PHF20: variants seen among roughly 807,000 people sequenced by gnomAD.
The protein encoded by PHF20 is glioma-expressed antigen 2.
A neutral mutation model predicts 113.5 loss-of-function variants in PHF20; 23 were observed. That is an observed-to-expected ratio of 0.20 (90% CI 0.15 to 0.29). The LOEUF (loss-of-function observed/expected upper bound fraction) is 0.29, where lower values mean the gene tolerates loss of function less well. Ranked by LOEUF, PHF20 falls within the 10% of genes least tolerant of loss-of-function variation. The probability of loss-of-function intolerance (pLI) is 1.00; values close to 1 mark genes in which losing one functional copy is unlikely to be tolerated. For missense variants in PHF20, 943 were observed against 1,219.6 expected (o/e 0.77, Z 3.38); for synonymous variants, 434 against 457.3 (o/e 0.95, Z 0.65).
chr20:35,805,123 T>TG (rs1392416966), intron 2 of PHF20, among the ~76,000 whole-genome samples: 2 of 151,688 alleles, frequency 1.3e-5, no homozygotes, highest in African/African-American at 2.4e-5. Context: ...AGGCTGGTCT[T>TG]GAACTCCTGG....
intron 1 of PHF20, among the ~76,000 whole-genome samples, chr20:35,798,732 G>A (rs2041718499): frequency 6.6e-6 from 1 of 151,988 alleles, no homozygotes; most frequent in African/African-American, 2.4e-5. Flanking sequence ...GGGATTATAG[G>A]CATGAGCCAC....
At chr20:35,899,732 C>A in intron 10 of PHF20, 84 bp downstream of exon 10, 1 of 1,413,282 alleles carries the variant, frequency 7.1e-7, no homozygotes, top group Non-Finnish European at 9.8e-7. Context: ...ACAAAGCAGG[C>A]ATTAGGTTTG....
chr20:35,937,540 A>C (rs2055888549), intron 15 of PHF20, among the ~76,000 whole-genome samples: 1 of 152,028 alleles, frequency 6.6e-6, no homozygotes, highest in African/African-American at 2.4e-5. Flanking sequence ...CAAGGTTCTT[A>C]CCATGTAGAT....
chr20:35,788,794 T>A (rs899360785), intron 1 of PHF20, among the ~76,000 whole-genome samples: 9 of 151,546 alleles, frequency 5.9e-5, no homozygotes, highest in South Asian at 2.1e-4. Flanking sequence ...GCCAGGGTGT[T>A]CTTGAACTGA....
At chr20:35,836,525 G>A (rs1186434319) in intron 2 of PHF20, among the ~76,000 whole-genome samples, 3 of 152,084 alleles carry the variant, frequency 2.0e-5, no homozygotes, top group Non-Finnish European at 4.4e-5. Context: ...TGAAGCTATC[G>A]GTTGATATCT....
intron 17 of PHF20, among the ~76,000 whole-genome samples, chr20:35,941,377 A>G (rs1037298646): frequency 1.3e-5 from 2 of 152,238 alleles, no homozygotes; most frequent in African/African-American, 4.8e-5. Context: ...GTTCTGTGAG[A>G]AATTAAAATT....
intron 3 of PHF20, among the ~76,000 whole-genome samples, chr20:35,847,037 C>T (rs138266491): frequency 1.3e-5 from 2 of 152,140 alleles, no homozygotes; most frequent in African/African-American, 2.4e-5. Context: ...CCCAGGAGAG[C>T]GAGAAGTCAC....
chr20:35,862,726 C>T (rs1380077750), intron 5 of PHF20, among the ~76,000 whole-genome samples: 1 of 152,136 alleles, frequency 6.6e-6, no homozygotes, highest in Non-Finnish European at 1.5e-5. Context: ...GAGAGAGACT[C>T]TGTCTCAGAA....
chr20:35,842,711 G>A lies in PHF20; in HGVS notation c.222G>A (p.Arg74=), dbSNP rs553506411. ...YLRPLEKIQL[R]KEGLHEEDGS... ...GCCCTTTAGAGAAAATACAGCTGAGGAAAGAGGGCTTGCATGAAGAGGATG... is the reference window on the plus strand; with the variant it reads ...GCCCTTTAGAGAAAATACAGCTGAGAAAAGAGGGCTTGCATGAAGAGGATG... Residue 74 remains arginine (R), a synonymous_variant, in exon 3 of 18, where the codon AGG becomes AGA. Transcript: ENST00000374012. 4 of 1,614,126 alleles carry A rather than the reference G, an allele frequency of 2.5e-6. No individual in the cohort carries two copies. The Admixed American group carries it at 6.7e-5, about 27-fold the overall frequency.
chr20:35,947,336 GCCCTTCCTCCCTTGCCC>G lies in PHF20; in HGVS notation c.2897-147_2897-131del. On this transcript the variant is annotated intron_variant, in intron 17 of 17. Coordinates refer to ENST00000374012, the MANE Select transcript of PHF20 (RefSeq NM_016436.5). The stretch of plus-strand genomic sequence containing the variant: ...TGTTGACACAGTGCTGGCTGAAATG[GCCCTTCCTCCCTTGCCC>G]CATGGAGGCTGAAATGGCCCTTCCT... 10 of 660,880 alleles carry G rather than the reference GCCCTTCCTCCCTTGCCC, an allele frequency of 1.5e-5. No homozygotes were observed. In the South Asian group the frequency reaches 1.7e-4, roughly 11 times the overall value. The allele number at this position is 660,880 out of a possible 1,614,324, so 40.9% of individuals were successfully genotyped here.
chr20:35,874,953 A>G (rs1313025446), intron 9 of PHF20, among the ~76,000 whole-genome samples: 1 of 152,128 alleles, frequency 6.6e-6, no homozygotes, highest in Non-Finnish European at 1.5e-5. Flanking sequence ...TAAAAAAATT[A>G]GCCTGGCATG....
chr20:35,875,077 C>G (rs1025861951), intron 9 of PHF20, among the ~76,000 whole-genome samples: 2 of 152,004 alleles, frequency 1.3e-5, no homozygotes, highest in Non-Finnish European at 1.5e-5. Context: ...GCCTGGGTGA[C>G]AGAGGAAGAC....
chr20:35,783,576 T>C (rs115351350), intron 1 of PHF20, among the ~76,000 whole-genome samples: 7,204 of 151,798 alleles, frequency 0.047, 211 homozygotes, highest in African/African-American at 0.088. Context: ...GCCACCGCGC[T>C]TGGCTAATTT....
chr20:35,902,608 C>G (rs1308434060), intron 10 of PHF20, among the ~76,000 whole-genome samples: 1 of 152,224 alleles, frequency 6.6e-6, no homozygotes, highest in African/African-American at 2.4e-5. Flanking sequence ...GATCTACCAC[C>G]TGGCTTTGGG....
At chr20:35,813,053 C>T (rs1296709577) in intron 2 of PHF20, among the ~76,000 whole-genome samples, 2 of 152,222 alleles carry the variant, frequency 1.3e-5, no homozygotes, top group East Asian at 3.9e-4. Context: ...ACTGCAAGCT[C>T]TGCCTCTCAG....
intron 2 of PHF20, among the ~76,000 whole-genome samples, chr20:35,812,068 C>T (rs1230309366): frequency 2.0e-5 from 3 of 152,212 alleles, no homozygotes; most frequent in East Asian, 3.8e-4. Flanking sequence ...CCACAGCGCC[C>T]GGCCCCTGCT....
At chr20:35,871,222 A>G (rs541044606) in intron 8 of PHF20, 88 bp downstream of exon 8, 2 of 1,063,224 alleles carry the variant, frequency 1.9e-6, no homozygotes, top group Admixed American at 2.4e-5. Flanking sequence ...GCCTTCCACA[A>G]GTATTAAATT....
At chr20:35,917,049 CCACCATG>C (rs1242648023) in intron 12 of PHF20, 1 of 291,820 alleles carries the variant, frequency 3.4e-6, no homozygotes, top group East Asian at 8.3e-5. Context: ...GAGGCATGAA[CCACCATG>C]CTCAGCCTTT....
intron 1 of PHF20, among the ~76,000 whole-genome samples, chr20:35,786,989 T>C (rs2146839409): frequency 8.4e-6 from 1 of 119,356 alleles, no homozygotes; most frequent in Non-Finnish European, 1.7e-5. Flanking sequence ...CTCTTTCCTG[T>C]TTTTTTTTTT....
Sources: gnomAD v4.1 joint callset for allele counts (sites outside exome capture counted in the v4.1 genomes callset) on GRCh38, gnomAD v4.1.1 for gene constraint, MANE v1.5 for transcripts, NCBI Gene and HGNC (gene_info 2026-07-23, HGNC 2026-07-21) for gene names.